The following COBL variants were observed in gnomAD, a reference collection of about 807,000 sequenced individuals.
COBL encodes protein cordon-bleu.
In COBL, 51 loss-of-function variants were observed where a neutral mutation model predicts 98.8. The observed-to-expected ratio is 0.52, with a 90% CI of 0.41 to 0.65. The LOEUF (loss-of-function observed/expected upper bound fraction) is 0.65. Among genes scored for constraint, COBL ranks in the 30% least tolerant of loss-of-function variants. COBL has a pLI of 0.00. For synonymous variants in COBL, 634 were observed against 651.7 expected, an observed-to-expected ratio of 0.97 and a Z score of 0.41; for missense variants, 1,617 against 1,617.5, an observed-to-expected ratio of 1.00 and a Z score of 0.01.
intron 5 of COBL, among the ~76,000 whole-genome samples, chr7:51,167,421 T>C (rs1042832662): frequency 6.6e-6 from 1 of 152,026 alleles, no homozygotes; most frequent in Admixed American, 6.6e-5. Context: ...AACTATAAAA[T>C]ACTGATGAAA....
intron 7 of COBL, among the ~76,000 whole-genome samples, chr7:51,057,121 T>C (rs1583634132): frequency 6.6e-6 from 1 of 152,280 alleles, no homozygotes; most frequent in African/African-American, 2.4e-5. Context: ...AGACGGACTG[T>C]CTCAAGGTTG....
chr7:51,166,838 A>T (rs1187161191), intron 5 of COBL, among the ~76,000 whole-genome samples: 2 of 152,226 alleles, frequency 1.3e-5, no homozygotes, highest in African/African-American at 4.8e-5. Flanking sequence ...ACATCAACAG[A>T]ATGAAGGATA....
At chr7:51,090,185 GTGA>G (rs1794675424) in intron 6 of COBL, among the ~76,000 whole-genome samples, 1 of 152,148 alleles carries the variant, frequency 6.6e-6, no homozygotes, top group Non-Finnish European at 1.5e-5. Flanking sequence ...TCATGAAGAA[GTGA>G]TGTTGACTAG....
In COBL at chr7:51,085,147, C is replaced by T. The variant is rs762101421; in HGVS notation, c.1096+19G>A. The T allele has an allele frequency of 6.8e-6, 11 of 1,613,384 alleles. No individual in the cohort carries two copies. Among genetic ancestry groups the T allele is most frequent in the Middle Eastern group, 1.7e-4 (1 of 6,022 alleles). On this transcript the variant is annotated intron_variant, in intron 7 of 12. Coordinates refer to ENST00000265136, the MANE Select transcript of COBL (RefSeq NM_015198.5). ...AGCAAGCATCCCCGCATGCAGACGGCAGGCCGAGCCTCACTCACCCATCGT... is the reference window on the plus strand; with the variant it reads ...AGCAAGCATCCCCGCATGCAGACGGTAGGCCGAGCCTCACTCACCCATCGT...
At chr7:51,193,340 C>T (rs778054237) in intron 3 of COBL, 39 bp downstream of exon 3, 8 of 1,577,520 alleles carry the variant, frequency 5.1e-6, no homozygotes, top group Non-Finnish European at 7.0e-6. Flanking sequence ...ACCTGCCACA[C>T]ATTCAGACAC....
Position 51,193,589 on chromosome 7 carries a change from G to T in COBL, c.246C>A (p.Ser82Arg). The T allele has an allele frequency of 1.2e-6, 2 of 1,613,402 alleles. No homozygotes were observed. Among genetic ancestry groups the T allele is most frequent in the Non-Finnish European group, 1.7e-6 (2 of 1,179,574 alleles). ...GLEKRSVLNG[S>R]HAMMDLLVEL... ...CAACCAGTAGGTCCATCATCGCATG[G>T]CTGAAAAAAGGAAAACAAATCATGA... The change falls in exon 3 of 13, where the codon AGC becomes AGA. Residue 82 changes from serine (S) to arginine (R), a missense_variant and splice_region_variant. Ser to Arg is a moderately radical substitution (Grantham distance 110). Transcript: ENST00000265136.
chr7:51,178,156 G>C (rs1180823151), intron 5 of COBL, among the ~76,000 whole-genome samples: 2 of 151,326 alleles, frequency 1.3e-5, no homozygotes, highest in Non-Finnish European at 2.9e-5. Context: ...CTCACTCTCT[G>C]TCTCTCTCTC....
chr7:51,193,282 C>G (rs1790288504), intron 3 of COBL, 97 bp downstream of exon 3: 3 of 1,104,220 alleles, frequency 2.7e-6, no homozygotes, highest in Admixed American at 2.0e-5. Context: ...AGCCACAGCT[C>G]TCTGCACTGT....
intron 6 of COBL, among the ~76,000 whole-genome samples, chr7:51,098,298 C>T (rs558848165): frequency 6.9e-6 from 1 of 144,312 alleles, no homozygotes; most frequent in African/African-American, 2.7e-5. Flanking sequence ...TCCAAATAAC[C>T]AAAGCAATCT....
intron 6 of COBL, among the ~76,000 whole-genome samples, chr7:51,090,217 C>T (rs1794678550): frequency 6.6e-6 from 1 of 152,120 alleles, no homozygotes; most frequent in Non-Finnish European, 1.5e-5. Flanking sequence ...AAAGGAAGCC[C>T]CGCACCTCAG....
intron 1 of COBL, among the ~76,000 whole-genome samples, chr7:51,234,702 G>GAAAA (rs71021761): frequency 3.5e-5 from 4 of 113,994 alleles, no homozygotes; most frequent in East Asian, 5.0e-4. Context: ...CCCTGTTTCA[G>GAAAA]AAAAAAAAAA....
At chr7:51,137,067 G>GGAACCAGCA (rs1799304039) in intron 5 of COBL, among the ~76,000 whole-genome samples, 1 of 150,928 alleles carries the variant, frequency 6.6e-6, no homozygotes, top group East Asian at 1.9e-4. Flanking sequence ...AAGCATTCGG[G>GGAACCAGCA]GAACCAGCAG....
chr7:51,192,996 G>C (rs1301531166), intron 3 of COBL, among the ~76,000 whole-genome samples: 1 of 152,106 alleles, frequency 6.6e-6, no homozygotes, highest in African/African-American at 2.4e-5. Flanking sequence ...AAATCTACAT[G>C]AATATTTTAG....
intron 6 of COBL, among the ~76,000 whole-genome samples, chr7:51,103,737 A>G (rs1282155109): frequency 3.9e-5 from 6 of 152,250 alleles, no homozygotes; most frequent in Non-Finnish European, 8.8e-5. Context: ...CAATAATATT[A>G]CAACTTTTGA....
At chr7:51,052,781 A>T (rs1790364465) in intron 7 of COBL, among the ~76,000 whole-genome samples, 1 of 152,230 alleles carries the variant, frequency 6.6e-6, no homozygotes, top group Non-Finnish European at 1.5e-5. Flanking sequence ...GAAAAATGCC[A>T]TCCCTCCTTC....
rs777430797 is a variant in COBL at position 51,028,208 on chromosome 7, G to A, written c.2888C>T (p.Thr963Ile). ...GTGGATAGCAGCAGGTCTGTCCTGA[G>A]TAGACAACTTCCTGTGTGGGCCAAT... is the stretch of plus-strand genomic sequence containing the variant. ...EVIGPHRKLS[T>I]QDRPAAIHRS... is the part of the protein sequence containing the mutation. Residue 963 changes from threonine (T) to isoleucine (I), a missense_variant, in exon 10 of 13, where the codon ACT (threonine) becomes ATT (isoleucine). Around this residue, in one of 3 missense-constraint regions of COBL, gnomAD observed 1,304 missense variants for 1,282.0 expected, o/e 1.02. Coordinates refer to ENST00000265136, the MANE Select transcript of COBL (RefSeq NM_015198.5). The A allele has an allele frequency of 3.1e-6, 5 of 1,614,224 alleles. No individual in the cohort carries two copies. Among genetic ancestry groups the A allele is most frequent in the South Asian group, 1.1e-5 (1 of 91,092 alleles).
chr7:51,125,432 G>A (rs1367660512), intron 6 of COBL, among the ~76,000 whole-genome samples: 2 of 152,120 alleles, frequency 1.3e-5, no homozygotes, highest in African/African-American at 2.4e-5. Flanking sequence ...CCACCCAGTC[G>A]GCGGTATTTA....
chr7:51,223,915 A>G (rs1563059315), intron 1 of COBL, among the ~76,000 whole-genome samples: 1 of 152,232 alleles, frequency 6.6e-6, no homozygotes, highest in Admixed American at 6.5e-5. Context: ...AATGTAGTTC[A>G]TATTTGTGGG....
intron 1 of COBL, among the ~76,000 whole-genome samples, chr7:51,291,878 G>A (rs1227491938): frequency 6.6e-6 from 1 of 151,938 alleles, no homozygotes; most frequent in Non-Finnish European, 1.5e-5. Flanking sequence ...ATAAGAAGTG[G>A]GGCCAGGCAC....
Sources: allele counts gnomAD v4.1 joint callset (sites outside exome capture counted in the v4.1 genomes callset), GRCh38; gene constraint gnomAD v4.1.1; regional missense constraint gnomAD v4.1.1; transcripts MANE v1.5; gene names NCBI Gene and HGNC (gene_info 2026-07-23, HGNC 2026-07-21).